Variants in MEF2D observed in about 807,000 individuals in gnomAD.
MEF2D encodes the protein myocyte-specific enhancer factor 2D.
Under a neutral mutation model 59.3 loss-of-function variants are expected in MEF2D, and 10 were observed. That is an observed-to-expected ratio of 0.17 (90% CI 0.10 to 0.29). The LOEUF (loss-of-function observed/expected upper bound fraction) is 0.29, where lower values mean the gene tolerates loss of function less well. MEF2D is among the 10% of genes least tolerant of loss of function. The probability of loss-of-function intolerance (pLI) is 1.00; values close to 1 mark genes in which losing one functional copy is unlikely to be tolerated. For synonymous variants in MEF2D, 305 were observed against 295.0 expected (o/e 1.03, Z -0.35); for missense variants, 508 against 699.4 (o/e 0.73, Z 3.09).
chr1:156,472,834 C>G (rs146510745), intron 9 of MEF2D, among the ~76,000 whole-genome samples: 2,723 of 151,910 alleles, frequency 0.018, 27 homozygotes, highest in Middle Eastern at 0.034. Context: ...CTCAGCCTCC[C>G]GAGTAGCTGG....
rs1367777426 is a variant in MEF2D at position 156,468,860 on chromosome 1, T to C, written c.1167A>G (p.Pro389=). 5 of 1,608,104 alleles carry C rather than the reference T, an allele frequency of 3.1e-6. No homozygotes were observed. The highest frequency in any genetic ancestry group is 4.3e-6 in the Non-Finnish European group (5 of 1,174,520). The change falls in exon 10 of 12, where the codon CCA becomes CCG. Residue 389 remains proline, a synonymous_variant. Coordinates refer to ENST00000348159, the MANE Select transcript of MEF2D (RefSeq NM_005920.4). The surrounding 1 kb of genome is among the most constrained non-coding windows in gnomAD (Gnocchi z 4.3). ...PQQQPPQPQQ[P]QPQQPQQPQQ... ...GCGGCTGCTGAGGCTGCTGTGGCTG[T>C]GGCTGCTGTGGCTGCGGTGGCTGCT...
In MEF2D at chr1:156,482,331, T is replaced by C; in HGVS notation, c.258+106A>G. On this transcript the variant is annotated intron_variant, in intron 3 of 11. Coordinates refer to ENST00000348159, the MANE Select transcript of MEF2D (RefSeq NM_005920.4). ...GGTGAGGGGCTACAAGGGGCATGTATACCAGTGTGTGTGCATAGGCAGGTC... is the reference window on the plus strand; with the variant it reads ...GGTGAGGGGCTACAAGGGGCATGTACACCAGTGTGTGTGCATAGGCAGGTC... 6.9e-6 allele frequency: 8 copies of C among 1,162,576 alleles called. No homozygotes were observed. The South Asian group carries it at 1.0e-4, about 15-fold the overall frequency. The allele number at this position is 1,162,576 out of a possible 1,614,324, so 72.0% of individuals were successfully genotyped here.
chr1:156,465,639 C>T lies in MEF2D; in HGVS notation c.*2006G>A, dbSNP rs1398360672. The T allele has an allele frequency of 6.6e-6, 1 of 152,524 alleles. No individual in the cohort carries two copies. Among genetic ancestry groups the T allele is most frequent in the Non-Finnish European group, 1.5e-5 (1 of 68,260 alleles). The allele number at this position is 152,524 out of a possible 1,614,324, so 9.4% of individuals were successfully genotyped here. On this transcript the variant is annotated 3_prime_UTR_variant, in exon 12 of 12. Transcript: ENST00000348159. ...ACACAGAGGCACACCCGTGCAACCACACACACACATAAATACAAAAGTACA... is the reference window on the plus strand; with the variant it reads ...ACACAGAGGCACACCCGTGCAACCATACACACACATAAATACAAAAGTACA...
rs190375273 is a variant in MEF2D, at chr1:156,466,109, C to G, written c.*1536G>C. On this transcript the variant is annotated 3_prime_UTR_variant, in exon 12 of 12. Transcript: ENST00000348159. The stretch of plus-strand genomic sequence containing the variant: ...CCTGAGGTCTCAGGACCCCGTGCTT[C>G]GGCTGCCCCTGGGCCCCTTGCCCAC... 2 of 152,194 alleles carry G rather than the reference C, an allele frequency of 1.3e-5. No homozygotes were observed. Among genetic ancestry groups the G allele is most frequent in the Non-Finnish European group, 2.9e-5 (2 of 68,064 alleles). 9.4% of individuals were successfully genotyped at this position (152,194 alleles called of 1,614,324 possible).
chr1:156,488,479 A>T (rs1672520590), intron 1 of MEF2D, among the ~76,000 whole-genome samples: 1 of 152,084 alleles, frequency 6.6e-6, no homozygotes, highest in Admixed American at 6.6e-5. Flanking sequence ...CACCCTTGAC[A>T]AAGAGAGCTG....
intron 1 of MEF2D, among the ~76,000 whole-genome samples, chr1:156,491,771 C>T (rs1054510083): frequency 3.9e-5 from 6 of 152,182 alleles, no homozygotes; most frequent in African/African-American, 1.4e-4. Context: ...GCTGCAATGA[C>T]TCACCACCAC....
At chr1:156,483,705 G>A (rs1004734705) in intron 1 of MEF2D, among the ~76,000 whole-genome samples, 2 of 152,198 alleles carry the variant, frequency 1.3e-5, no homozygotes, top group African/African-American at 4.8e-5. Context: ...CCAAGGTCTG[G>A]GTCTCAGAGA....
Position 156,500,547 on chromosome 1 carries a change from G to T in MEF2D, c.-200C>A. On this transcript the variant is annotated 5_prime_UTR_variant, in exon 1 of 12. Coordinates refer to ENST00000348159, the MANE Select transcript of MEF2D (RefSeq NM_005920.4). ...AGCGGGTAGCCCTCGCCCCTGGTCC[G>T]GGGGATCTTCAACACCGGGAAGCCG... 1 of 152,350 alleles carries T rather than the reference G, an allele frequency of 6.6e-6. No individual in the cohort carries two copies. The highest frequency in any genetic ancestry group is 1.5e-5 in the Non-Finnish European group (1 of 68,052). 9.4% of individuals were successfully genotyped at this position (152,350 alleles called of 1,614,324 possible).
rs1670667859 is a variant in MEF2D, at chr1:156,463,821, G to A, written c.*3824C>T. 6.6e-6 allele frequency: 1 copy of A among 152,608 alleles called. No homozygotes were observed. The highest frequency in any genetic ancestry group is 1.5e-5 in the Non-Finnish European group (1 of 68,032). 9.5% of individuals were successfully genotyped at this position (152,608 alleles called of 1,614,324 possible). On this transcript the variant is annotated 3_prime_UTR_variant, in exon 12 of 12. Transcript: ENST00000348159. ...CAAACAAAACTCATAAGAATCTCGA[G>A]GACTTTGTCTTTTCTTATTGTGTAG...
intron 1 of MEF2D, among the ~76,000 whole-genome samples, chr1:156,486,628 CCT>C (rs1348892060): frequency 1.3e-5 from 2 of 152,196 alleles, no homozygotes; most frequent in African/African-American, 2.4e-5. Flanking sequence ...GGAAGAGAAG[CCT>C]CTCTTTGTTC....
intron 1 of MEF2D, among the ~76,000 whole-genome samples, chr1:156,496,448 G>T (rs900427472): frequency 1.3e-5 from 2 of 152,146 alleles, no homozygotes; most frequent in Admixed American, 6.5e-5. Context: ...GGGGCACGTG[G>T]GGGAGGGGTA....
At chr1:156,473,137 C>T (rs1671343513) in intron 9 of MEF2D, among the ~76,000 whole-genome samples, 1 of 152,108 alleles carries the variant, frequency 6.6e-6, no homozygotes, top group Admixed American at 6.6e-5. Flanking sequence ...CCTGCCTCTG[C>T]CTCCAGAGCA....
At position 156,467,671 on chromosome 1, in the gene MEF2D, G is replaced by A; in HGVS notation, c.1555-15C>T. On this transcript the variant is annotated splice_polypyrimidine_tract_variant and intron_variant, in intron 11 of 11. Coordinates refer to ENST00000348159, the MANE Select transcript of MEF2D (RefSeq NM_005920.4). ...CACTTTAATGTCTGTGAAGAGAGGA[G>A]ATGGAGAAGGGGGTGTGAGGGGGTG... 2 of 1,343,142 alleles carry A rather than the reference G, an allele frequency of 1.5e-6. No individual in the cohort carries two copies. The highest frequency in any genetic ancestry group is 1.9e-6 in the Non-Finnish European group (2 of 1,039,308). 83.2% of individuals were successfully genotyped at this position (1,343,142 alleles called of 1,614,324 possible).
chr1:156,472,946 G>A (rs1203570789), intron 9 of MEF2D, among the ~76,000 whole-genome samples: 5 of 152,230 alleles, frequency 3.3e-5, no homozygotes, highest in East Asian at 1.9e-4. Flanking sequence ...TCCTGACCTC[G>A]TGATCCGCCT....
At position 156,483,297 on chromosome 1, in the gene MEF2D, T is replaced by C; in HGVS notation, c.-5A>G. ...CTGAATCTTTTTCCTCCCCATCTTCTCCGGGGGTCCTCAGTGCTACGGAGG... is the reference window on the plus strand; with the variant it reads ...CTGAATCTTTTTCCTCCCCATCTTCCCCGGGGGTCCTCAGTGCTACGGAGG... On this transcript the variant is annotated 5_prime_UTR_variant, in exon 2 of 12. Coordinates refer to ENST00000348159, the MANE Select transcript of MEF2D (RefSeq NM_005920.4). 1 of 1,614,076 alleles carries C rather than the reference T, an allele frequency of 6.2e-7. No homozygotes were observed. Among genetic ancestry groups the C allele is most frequent in the African/African-American group, 1.3e-5 (1 of 75,008 alleles).
intron 9 of MEF2D, among the ~76,000 whole-genome samples, chr1:156,472,232 C>T (rs1671275501): frequency 6.6e-6 from 1 of 152,218 alleles, no homozygotes; most frequent in Admixed American, 6.5e-5. Context: ...TGGTTGGGCC[C>T]CAGAGGCCCA....
intron 9 of MEF2D, among the ~76,000 whole-genome samples, chr1:156,474,451 A>G (rs537988155): frequency 5.1e-4 from 78 of 152,320 alleles, no homozygotes; most frequent in African/African-American, 1.8e-3. Flanking sequence ...CTACCTCAAA[A>G]AAACAAAAAC....
chr1:156,469,446 T>A (rs535596692), intron 9 of MEF2D, among the ~76,000 whole-genome samples: 34 of 151,950 alleles, frequency 2.2e-4, no homozygotes, highest in Admixed American at 1.7e-3. Flanking sequence ...TTAGTAGAGA[T>A]GGGGTTTTGC....
At chr1:156,495,409 T>A (rs1673070889) in intron 1 of MEF2D, among the ~76,000 whole-genome samples, 1 of 152,194 alleles carries the variant, frequency 6.6e-6, no homozygotes, top group African/African-American at 2.4e-5. Context: ...TCTTCTTATA[T>A]TCCCATGCTC....
Sources: allele counts gnomAD v4.1 joint callset (sites outside exome capture counted in the v4.1 genomes callset), GRCh38; gene constraint gnomAD v4.1.1; non-coding constraint Gnocchi (gnomAD v3.1); transcripts MANE v1.5; gene names NCBI Gene and HGNC (gene_info 2026-07-23, HGNC 2026-07-21).